PDE3A: variants seen among roughly 807,000 people sequenced by gnomAD.
PDE3A encodes the protein cGMP-inhibited 3',5'-cyclic phosphodiesterase 3A.
PDE3A carries 43 observed loss-of-function variants against 98.3 expected under a neutral mutation model. The ratio of observed to expected loss-of-function variants is 0.44; its 90% CI spans 0.34 to 0.56. The LOEUF (loss-of-function observed/expected upper bound fraction) is 0.56, where lower values mean the gene tolerates loss of function less well. PDE3A is among the 20% of genes least tolerant of loss of function. The probability of loss-of-function intolerance (pLI) is 0.01; values close to 1 mark genes in which losing one functional copy is unlikely to be tolerated. For synonymous variants in PDE3A, 663 were observed against 567.9 expected, an observed-to-expected ratio of 1.17 and a Z score of -2.38; for missense variants, 1,427 against 1,440.7, an observed-to-expected ratio of 0.99 and a Z score of 0.15.
At chr12:20,562,867 T>C (rs1942564029) in intron 2 of PDE3A, among the ~76,000 whole-genome samples, 1 of 152,168 alleles carries the variant, frequency 6.6e-6, no homozygotes, top group African/African-American at 2.4e-5. Context: ...GTTTGTATGA[T>C]TCTAAATAAT....
intron 1 of PDE3A, among the ~76,000 whole-genome samples, chr12:20,431,615 ACACACACG>A (rs973443768): frequency 6.6e-6 from 1 of 151,632 alleles, no homozygotes; most frequent in African/African-American, 2.4e-5. Context: ...ACACACACAC[ACACACACG>A]CACACACACG....
chr12:20,538,861 G>T (rs1941821142), intron 1 of PDE3A, among the ~76,000 whole-genome samples: 1 of 151,916 alleles, frequency 6.6e-6, no homozygotes, highest in South Asian at 2.1e-4. Flanking sequence ...GTCCGGGCTG[G>T]TCTTGAACTC....
At chr12:20,627,541 G>A (rs1363254994) in intron 5 of PDE3A, among the ~76,000 whole-genome samples, 3 of 151,780 alleles carry the variant, frequency 2.0e-5, no homozygotes, top group Non-Finnish European at 2.9e-5. Context: ...TGTATTTCAT[G>A]AGGCCTCTAT....
At chr12:20,547,604 AT>A (rs1186318849) in intron 1 of PDE3A, among the ~76,000 whole-genome samples, 5 of 152,074 alleles carry the variant, frequency 3.3e-5, no homozygotes, top group African/African-American at 1.2e-4. Context: ...TGTGGTGACT[AT>A]TACTTTCCAT....
At chr12:20,476,866 A>AG (rs1945540556) in intron 1 of PDE3A, among the ~76,000 whole-genome samples, 1 of 152,148 alleles carries the variant, frequency 6.6e-6, no homozygotes, top group African/African-American at 2.4e-5. Context: ...TAAAGTATAC[A>AG]TTGAAAATTA....
At chr12:20,394,446 T>C (rs1210363587) in intron 1 of PDE3A, among the ~76,000 whole-genome samples, 1 of 152,066 alleles carries the variant, frequency 6.6e-6, no homozygotes, top group Admixed American at 6.6e-5. Flanking sequence ...GAAACCTCTT[T>C]GTGGCACTTT....
intron 3 of PDE3A, 98 bp from the exon 4 acceptor site, chr12:20,616,132 A>C: frequency 1.8e-6 from 2 of 1,083,242 alleles, no homozygotes; most frequent in Non-Finnish European, 2.6e-6. Context: ...AATTTAGTCA[A>C]TTCACTTCTA....
intron 1 of PDE3A, among the ~76,000 whole-genome samples, chr12:20,535,214 A>G (rs1380222148): frequency 6.6e-6 from 1 of 152,148 alleles, no homozygotes; most frequent in Admixed American, 6.5e-5. Flanking sequence ...TCTTGACCCC[A>G]ATCTACCTAG....
At chr12:20,372,817 G>C (rs550014229) in intron 1 of PDE3A, among the ~76,000 whole-genome samples, 7 of 151,980 alleles carry the variant, frequency 4.6e-5, no homozygotes, top group African/African-American at 7.3e-5. Context: ...GAACTTAAAC[G>C]CACAGTCTGT....
rs566990997 is a variant in PDE3A at position 20,388,418 on chromosome 12, T to C, written c.960+18174T>C. ...ATATATACATCCACGTGTATGCACATATATACCGAAACATGTTTCAGTTTT... is the reference window on the plus strand; with the variant it reads ...ATATATACATCCACGTGTATGCACACATATACCGAAACATGTTTCAGTTTT... On this transcript the variant is annotated intron_variant, in intron 1 of 15. Transcript: ENST00000359062. Among the ~76,000 whole-genome samples the C allele has an allele frequency of 1.2e-4, 18 of 152,140 alleles. 1 individual carries two copies. In the South Asian group the frequency reaches 3.7e-3, roughly 31 times the overall value.
At chr12:20,386,467 T>A (rs1943808235) in intron 1 of PDE3A, among the ~76,000 whole-genome samples, 1 of 151,126 alleles carries the variant, frequency 6.6e-6, no homozygotes, top group African/African-American at 2.4e-5. Context: ...TTGTCCACTT[T>A]TTAATGGGGT....
At chr12:20,466,316 T>TA (rs1945339545) in intron 1 of PDE3A, among the ~76,000 whole-genome samples, 1 of 152,210 alleles carries the variant, frequency 6.6e-6, no homozygotes, top group Non-Finnish European at 1.5e-5. Context: ...AATAATTTTT[T>TA]AAAAATCCAA....
chr12:20,493,886 T>A (rs1945871240), intron 1 of PDE3A, among the ~76,000 whole-genome samples: 1 of 152,190 alleles, frequency 6.6e-6, no homozygotes, highest in Non-Finnish European at 1.5e-5. Context: ...TGCCTCGACC[T>A]CCCAAAGTGT....
chr12:20,632,949 C>CTTTTTTTTTTTTTTTTTTTT (rs5796876), intron 6 of PDE3A, among the ~76,000 whole-genome samples: 1 of 102,122 alleles, frequency 9.8e-6, no homozygotes, highest in Non-Finnish European at 1.9e-5. Context: ...AATAATGAGG[C>CTTTTTTTTTTTTTTTTTTTT]TTTTTTTTTT....
rs148371562 is a variant in PDE3A at position 20,433,464 on chromosome 12, G to A, written c.960+63220G>A. On this transcript the variant is annotated intron_variant, in intron 1 of 15. Transcript: ENST00000359062. ...GCAATTAGTGGTAATGTATTATCTT[G>A]GGTACTGCTTGGGGTCTCTATATGT... 1.8e-3 allele frequency among the ~76,000 whole-genome samples: 271 copies of A among 152,166 alleles called. 2 individuals are homozygous for A. The highest frequency in any genetic ancestry group is 6.1e-3 in the African/African-American group (255 of 41,516).
intron 1 of PDE3A, among the ~76,000 whole-genome samples, chr12:20,403,174 A>C (rs1164065123): frequency 6.6e-6 from 1 of 152,192 alleles, no homozygotes; most frequent in East Asian, 1.9e-4. Context: ...TATCAACTTG[A>C]ATTATTGCAA....
chr12:20,459,000 G>A (rs749225296), intron 1 of PDE3A, among the ~76,000 whole-genome samples: 11 of 152,130 alleles, frequency 7.2e-5, no homozygotes, highest in Non-Finnish European at 1.5e-4. Flanking sequence ...GTAAATAAAA[G>A]TGCCTAGATG....
In PDE3A at chr12:20,580,794, T is replaced by C. The variant is rs1174726066; in HGVS notation, c.1011+24084T>C. Among the ~76,000 whole-genome samples the C allele has an allele frequency of 2.6e-5, 4 of 152,208 alleles. No homozygotes were observed. The East Asian group carries it at 7.7e-4, about 29-fold the overall frequency. On this transcript the variant is annotated intron_variant, in intron 2 of 15. Coordinates refer to ENST00000359062, the MANE Select transcript of PDE3A (RefSeq NM_000921.5). Reference sequence around the variant, plus strand: ...ATTAAAGTAATGCTCCTTTACCCCCTCTGCACACTCGCATGTTGCTGTCCT... The same window carrying C: ...ATTAAAGTAATGCTCCTTTACCCCCCCTGCACACTCGCATGTTGCTGTCCT...
intron 2 of PDE3A, among the ~76,000 whole-genome samples, chr12:20,587,217 A>T (rs922893760): frequency 5.9e-5 from 9 of 152,080 alleles, no homozygotes; most frequent in Non-Finnish European, 1.2e-4. Context: ...AAAATACAAA[A>T]ATTAGCCAGG....
Sources: allele counts gnomAD v4.1 joint callset (sites outside exome capture counted in the v4.1 genomes callset), GRCh38; gene constraint gnomAD v4.1.1; transcripts MANE v1.5; gene names NCBI Gene and HGNC (gene_info 2026-07-23, HGNC 2026-07-21).